The following NUB1 variants were observed in gnomAD, a reference collection of about 807,000 sequenced individuals.
NUB1 encodes the protein NEDD8 ultimate buster 1.
NUB1 carries 41 observed loss-of-function variants against 77.1 expected under a neutral mutation model. The observed-to-expected ratio is 0.53, with a 90% CI of 0.41 to 0.69. The LOEUF is 0.69. Ranked by LOEUF, NUB1 falls within the 30% of genes least tolerant of loss-of-function variation. The pLI is 0.00. For synonymous variants in NUB1, 257 were observed against 281.0 expected (o/e 0.91, Z 0.85); for missense variants, 643 against 743.8 (o/e 0.86, Z 1.58).
At chr7:151,368,912 T>A (rs771642955) in intron 11 of NUB1, 25 bp downstream of exon 11, 5 of 1,584,998 alleles carry the variant, frequency 3.2e-6, no homozygotes, top group Non-Finnish European at 4.3e-6. Flanking sequence ...ATGCCCTAGC[T>A]CTCTTGGGTA....
chr7:151,351,178 G>C (rs1796775275), intron 3 of NUB1: 2 of 475,826 alleles, frequency 4.2e-6, no homozygotes, highest in Non-Finnish European at 7.4e-6. Context: ...ACGTCCAGCT[G>C]TGTGAGACGG....
At chr7:151,367,405 T>C (rs1271315143) in intron 9 of NUB1, among the ~76,000 whole-genome samples, 3 of 152,226 alleles carry the variant, frequency 2.0e-5, no homozygotes, top group Non-Finnish European at 2.9e-5. Context: ...TGCTGACTTC[T>C]TTATATCGGT....
intron 13 of NUB1, 27 bp from the exon 14 acceptor site, chr7:151,376,607 T>C (rs1798277285): frequency 1.9e-6 from 3 of 1,574,578 alleles, no homozygotes; most frequent in Admixed American, 1.8e-5. Flanking sequence ...CAGGGGCTGA[T>C]GCTGTGACCC....
rs552550693 is a variant in NUB1 at position 151,352,736 on chromosome 7, C to T, written c.345-76C>T. ...GGGATTACAGGCGTGAGCCACCGGG[C>T]CTGGCTAATGTCTTTTTAATGGATA... On this transcript the variant is annotated intron_variant, in intron 4 of 14. Coordinates refer to ENST00000568733, the MANE Select transcript of NUB1 (RefSeq NM_001243351.2). 1.2e-4 allele frequency: 109 copies of T among 927,072 alleles called. 2 individuals are homozygous for T. In the South Asian group the frequency reaches 1.5e-3, roughly 13 times the overall value. The allele number at this position is 927,072 out of a possible 1,614,324, so 57.4% of individuals were successfully genotyped here. A position where few individuals can be genotyped will look rare whatever the true frequency, so the allele number is the denominator to read the frequency against.
intron 5 of NUB1, among the ~76,000 whole-genome samples, chr7:151,355,566 G>A (rs1447641573): frequency 1.3e-5 from 2 of 152,210 alleles, no homozygotes; most frequent in East Asian, 1.9e-4. Flanking sequence ...CCAGCTCCTC[G>A]GGAGGCTGAG....
intron 11 of NUB1, 41 bp from the exon 12 acceptor site, chr7:151,374,056 C>G: frequency 6.6e-7 from 1 of 1,524,076 alleles, no homozygotes; most frequent in South Asian, 1.2e-5. Flanking sequence ...TGTGAAATCT[C>G]AGTCCCTAAC....
chr7:151,350,106 A>T (rs552661728), intron 3 of NUB1, among the ~76,000 whole-genome samples: 1 of 152,222 alleles, frequency 6.6e-6, no homozygotes, highest in Non-Finnish European at 1.5e-5. Flanking sequence ...TATTTCTTCT[A>T]TGCTCTTCTC....
intron 12 of NUB1, chr7:151,374,728 ACTT>A (rs1798127845): frequency 5.7e-6 from 1 of 174,082 alleles, no homozygotes; most frequent in Non-Finnish European, 1.2e-5. Flanking sequence ...GACAGCAGTG[ACTT>A]TACCTGGGCC....
chr7:151,348,997 A>C, intron 2 of NUB1, 76 bp from the exon 3 acceptor site: 2 of 1,355,210 alleles, frequency 1.5e-6, no homozygotes, highest in Non-Finnish European at 2.1e-6. Flanking sequence ...ATGGCCTTAG[A>C]GTCTTTCATG....
intron 7 of NUB1, among the ~76,000 whole-genome samples, chr7:151,357,902 G>A (rs1214751817): frequency 3.9e-5 from 6 of 151,982 alleles, no homozygotes; most frequent in Non-Finnish European, 5.9e-5. Flanking sequence ...GAGCCACTGC[G>A]CCCGGCCGGA....
At chr7:151,372,675 G>A (rs1323397805) in intron 11 of NUB1, among the ~76,000 whole-genome samples, 1 of 152,162 alleles carries the variant, frequency 6.6e-6, no homozygotes, top group Non-Finnish European at 1.5e-5. Flanking sequence ...AGGGAGTGGG[G>A]GCCCTGAGTA....
chr7:151,347,701 C>T (rs1796566872), intron 2 of NUB1, among the ~76,000 whole-genome samples: 1 of 152,216 alleles, frequency 6.6e-6, no homozygotes, highest in Admixed American at 6.5e-5. Flanking sequence ...CTTGAGCAAT[C>T]CTCTCACCTT....
At position 151,341,833 on chromosome 7, in the gene NUB1, G is replaced by C; in HGVS notation, c.-16G>C. ...GGGCACTCTGCTGGTCGCGGCGGGAGTGGCGTGGCGCAGGTGAGGACACGG... is the reference window on the plus strand; with the variant it reads ...GGGCACTCTGCTGGTCGCGGCGGGACTGGCGTGGCGCAGGTGAGGACACGG... On this transcript the variant is annotated 5_prime_UTR_variant, in exon 1 of 15. Transcript: ENST00000568733. The C allele has an allele frequency of 6.6e-7, 1 of 1,507,092 alleles. No homozygotes were observed. Among genetic ancestry groups the C allele is most frequent in the South Asian group, 1.2e-5 (1 of 80,862 alleles). 93.4% of individuals were successfully genotyped at this position (1,507,092 alleles called of 1,614,324 possible). A position where few individuals can be genotyped will look rare whatever the true frequency, so the allele number is the denominator to read the frequency against.
At chr7:151,346,978 G>C (rs1050221851) in intron 2 of NUB1, among the ~76,000 whole-genome samples, 4 of 152,082 alleles carry the variant, frequency 2.6e-5, no homozygotes, top group Non-Finnish European at 5.9e-5. Context: ...GGAGTCTAAC[G>C]CTAACTCTGG....
chr7:151,342,054 C>CAAACCAAAGGGCCCCGAA, intron 1 of NUB1: 1 of 932,808 alleles, frequency 1.1e-6, no homozygotes, highest in Non-Finnish European at 1.4e-6. Flanking sequence ...CCGTTCGGGG[C>CAAACCAAAGGGCCCCGAA]CCTTTGGTTT....
intron 6 of NUB1, 82 bp from the exon 7 acceptor site, chr7:151,356,046 C>T: frequency 6.5e-7 from 1 of 1,543,450 alleles, no homozygotes; most frequent in Admixed American, 1.7e-5. Flanking sequence ...AGTCTCACCT[C>T]AACAGTCTAA....
rs1798355357 is a variant in NUB1, at chr7:151,377,468, C to T, written c.*243C>T. ...GCCTCCCAGGTCTGCGTCCCTAACC[C>T]CTTCCCCAGCTTGGTGTTTTACCCC... On this transcript the variant is annotated 3_prime_UTR_variant, in exon 15 of 15. Coordinates refer to ENST00000568733, the MANE Select transcript of NUB1 (RefSeq NM_001243351.2). 9.4e-6 allele frequency: 3 copies of T among 318,542 alleles called. No individual in the cohort carries two copies. Among genetic ancestry groups the T allele is most frequent in the Non-Finnish European group, 1.7e-5 (3 of 173,952 alleles). 19.7% of individuals were successfully genotyped at this position (318,542 alleles called of 1,614,324 possible). A position where few individuals can be genotyped will look rare whatever the true frequency, so the allele number is the denominator to read the frequency against.
chr7:151,372,043 T>C (rs76462484), intron 11 of NUB1, among the ~76,000 whole-genome samples: 2 of 152,186 alleles, frequency 1.3e-5, no homozygotes, highest in African/African-American at 4.8e-5. Flanking sequence ...ATATTTTTTG[T>C]GCAATATGGC....
At chr7:151,375,215 A>G (rs1798160023) in intron 12 of NUB1, among the ~76,000 whole-genome samples, 1 of 152,160 alleles carries the variant, frequency 6.6e-6, no homozygotes, top group Non-Finnish European at 1.5e-5. Flanking sequence ...TTTAACATAT[A>G]CGTTAAATTT....
Sources: allele counts gnomAD v4.1 joint callset (sites outside exome capture counted in the v4.1 genomes callset), GRCh38; gene constraint gnomAD v4.1.1; transcripts MANE v1.5; gene names NCBI Gene and HGNC (gene_info 2026-07-23, HGNC 2026-07-21).